CDC42BPB: variants seen among roughly 807,000 people sequenced by gnomAD.
CDC42BPB encodes the protein serine/threonine-protein kinase MRCK beta.
CDC42BPB carries 37 observed loss-of-function variants against 214.9 expected under a neutral mutation model. The ratio of observed to expected loss-of-function variants is 0.17; its 90% confidence interval spans 0.13 to 0.23. The LOEUF (loss-of-function observed/expected upper bound fraction) is 0.23, where lower values mean the gene tolerates loss of function less well. Among genes scored for constraint, CDC42BPB ranks in the 10% least tolerant of loss-of-function variants. The probability of loss-of-function intolerance (pLI) is 1.00; values close to 1 mark genes in which losing one functional copy is unlikely to be tolerated. For missense variants in CDC42BPB, 1,694 were observed against 2,227.0 expected (o/e 0.76, Z 4.82); for synonymous variants, 931 against 884.0 (o/e 1.05, Z -0.94).
chr14:102,999,840 C>G, intron 4 of CDC42BPB, 127 bp from the exon 5 acceptor site: 2 of 1,486,018 alleles, frequency 1.3e-6, no homozygotes, highest in Non-Finnish European at 1.8e-6. Context: ...CTCAGCTGCT[C>G]TTCTGTCACC....
intron 1 of CDC42BPB, among the ~76,000 whole-genome samples, chr14:103,033,729 T>C (rs1477696037): frequency 6.6e-6 from 1 of 152,228 alleles, no homozygotes; most frequent in African/African-American, 2.4e-5. Context: ...AAATAGAGGA[T>C]GGCTGAGTGA....
chr14:102,939,939 G>C lies in CDC42BPB; in HGVS notation c.4600C>G (p.Leu1534Val). The C allele has an allele frequency of 6.2e-7, 1 of 1,613,928 alleles. No homozygotes were observed. Among genetic ancestry groups the C allele is most frequent in the East Asian group, 2.2e-5 (1 of 44,884 alleles). The change falls in exon 33 of 37, where the codon CTC becomes GTC. Residue 1534 changes from leucine to valine, a missense_variant. Around this residue, in one of 7 missense-constraint regions of CDC42BPB, gnomAD observed 567 missense variants for 790.3 expected, o/e 0.72. Transcript: ENST00000361246. Reference sequence around the variant, plus strand: ...TTGTCGGAGGTGTCCGGCACGTTGAGAACCGCTCCTGCAGAAGCAGAGCGC... The same window carrying C: ...TTGTCGGAGGTGTCCGGCACGTTGACAACCGCTCCTGCAGAAGCAGAGCGC... ...YFKSKFSGAV[L>V]NVPDTSDNSK...
Position 102,980,893 on chromosome 14 carries a change from C to A in CDC42BPB, c.1020G>T (p.Ala340=). 1.2e-6 allele frequency: 2 copies of A among 1,614,172 alleles called. No homozygotes were observed. Among genetic ancestry groups the A allele is most frequent in the South Asian group, 1.1e-5 (1 of 91,082 alleles). The change falls in exon 8 of 37, where the codon GCG becomes GCT. Residue 340 remains alanine, a synonymous_variant. Coordinates refer to ENST00000361246, the MANE Select transcript of CDC42BPB (RefSeq NM_006035.4). ...TTTCCCAATTTAGACCTTCAAAAAA[C>A]GCATGCTTTTTGAAATCCTCTATTC... The part of the protein sequence containing the change: ...QNGIEDFKKH[A]FFEGLNWENI...
chr14:102,997,573 G>T (rs1320514583), intron 5 of CDC42BPB, among the ~76,000 whole-genome samples: 1 of 152,188 alleles, frequency 6.6e-6, no homozygotes, highest in Non-Finnish European at 1.5e-5. Context: ...GGGAACGATG[G>T]AAGGGACAGC....
chr14:102,990,535 T>A (rs1242650111), intron 5 of CDC42BPB, among the ~76,000 whole-genome samples: 1 of 152,148 alleles, frequency 6.6e-6, no homozygotes, highest in Non-Finnish European at 1.5e-5. Context: ...AACTCATGAT[T>A]CCTGAGTATG....
At chr14:102,968,751 C>T (rs369188923) in intron 14 of CDC42BPB, 35 bp from the exon 15 acceptor site, 22 of 1,609,106 alleles carry the variant, frequency 1.4e-5, no homozygotes, top group Non-Finnish European at 1.5e-5. Context: ...TGACAAACCT[C>T]TGTGTCCTCA....
chr14:102,936,630 G>A (rs2139334993), intron 36 of CDC42BPB, among the ~76,000 whole-genome samples: 1 of 152,334 alleles, frequency 6.6e-6, no homozygotes, highest in South Asian at 2.1e-4. Context: ...TTAAAGGGCA[G>A]GGGGTTTATT....
intron 18 of CDC42BPB, among the ~76,000 whole-genome samples, chr14:102,965,568 T>G (rs1368254937): frequency 6.6e-6 from 1 of 152,188 alleles, no homozygotes; most frequent in Non-Finnish European, 1.5e-5. Context: ...GATGCCATCT[T>G]GCTGTTTTTT....
chr14:102,985,200 G>A (rs1431134618), intron 6 of CDC42BPB, among the ~76,000 whole-genome samples: 7 of 150,772 alleles, frequency 4.6e-5, no homozygotes, highest in Admixed American at 4.6e-4. Context: ...TGGTGTGGAG[G>A]TGTGGAGGGT....
rs761918058 is a variant in CDC42BPB, at chr14:102,954,687, G to C, written c.2903C>G (p.Thr968Ser). Residue 968 changes from threonine (T) to serine (S), a missense_variant and splice_region_variant, in exon 22 of 37, where the codon ACC becomes AGC. This residue lies in a region of CDC42BPB where 156 missense variants were observed against 154.5 expected (regional missense o/e 1.01). Transcript: ENST00000361246. ...APLAHDLTFR[T>S]SSASEQETQA... ...TGTTTCTTGCTCACTAGCTGAGCTG[G>C]TCTGTGAGAACCAAGAAAGAAAGAG... is the stretch of plus-strand genomic sequence containing the variant. The C allele has an allele frequency of 3.1e-6, 5 of 1,613,066 alleles. No homozygotes were observed. In the Admixed American group the frequency reaches 8.3e-5, roughly 27 times the overall value.
intron 4 of CDC42BPB, among the ~76,000 whole-genome samples, chr14:103,003,189 T>A (rs1895069378): frequency 6.6e-6 from 1 of 152,128 alleles, no homozygotes; most frequent in South Asian, 2.1e-4. Flanking sequence ...TCTGCCCGCG[T>A]CACGTCCACC....
intron 27 of CDC42BPB, among the ~76,000 whole-genome samples, chr14:102,947,028 C>T (rs1461256463): frequency 2.0e-5 from 3 of 152,214 alleles, no homozygotes; most frequent in African/African-American, 7.2e-5. Context: ...AAGCAGATCT[C>T]AAAAACACTG....
chr14:103,034,602 T>A (rs1467286738), intron 1 of CDC42BPB, among the ~76,000 whole-genome samples: 1 of 152,102 alleles, frequency 6.6e-6, no homozygotes, highest in Non-Finnish European at 1.5e-5. Context: ...TCACATCACC[T>A]GAGGTTGGGA....
At position 103,023,253 on chromosome 14, in the gene CDC42BPB, T is replaced by C. The variant is rs901905032; in HGVS notation, c.176-11065A>G. ...CGCGATCTCGGCTCACTGCAACCTCTGCCTCTCGGGTTCAAGCATTTCTCC... is the reference window on the plus strand; with the variant it reads ...CGCGATCTCGGCTCACTGCAACCTCCGCCTCTCGGGTTCAAGCATTTCTCC... On this transcript the variant is annotated intron_variant, in intron 1 of 36. Transcript: ENST00000361246. 3.3e-5 allele frequency among the ~76,000 whole-genome samples: 5 copies of C among 151,244 alleles called. No individual in the cohort carries two copies. The South Asian group carries it at 6.3e-4, about 19-fold the overall frequency.
chr14:102,960,284 A>G (rs1444358321), intron 20 of CDC42BPB, among the ~76,000 whole-genome samples: 2 of 152,112 alleles, frequency 1.3e-5, no homozygotes, highest in African/African-American at 4.8e-5. Context: ...GGAGGAGCAG[A>G]TCTACCAGAT....
rs753163105 is a variant in CDC42BPB at position 102,944,243 on chromosome 14, G to C, written c.4056C>G (p.Ile1352Met). ...TCGTTCTCTGGATCTCATAGCAAAG[G>C]ATCAGCCGTTTCACGGCCACAAACA... is the stretch of plus-strand genomic sequence containing the variant. ...TCLFVAVKRL[I>M]LCYEIQRTKP... The change falls in exon 30 of 37, where the codon ATC becomes ATG. Residue 1352 changes from isoleucine to methionine, a missense_variant. Physicochemically the swap from Ile to Met is conservative, Grantham distance 10. Coordinates refer to ENST00000361246, the MANE Select transcript of CDC42BPB (RefSeq NM_006035.4). The surrounding 1 kb of genome is among the most constrained non-coding windows in gnomAD (Gnocchi z 6.6). 6.2e-7 allele frequency: 1 copy of C among 1,613,262 alleles called. No individual in the cohort carries two copies. Among genetic ancestry groups the C allele is most frequent in the Non-Finnish European group, 8.5e-7 (1 of 1,180,042 alleles).
chr14:103,019,495 G>C (rs1383099034), intron 1 of CDC42BPB, among the ~76,000 whole-genome samples: 2 of 152,186 alleles, frequency 1.3e-5, no homozygotes, highest in African/African-American at 4.8e-5. Context: ...CAGGCTCTAA[G>C]GCAGGGTTGA....
At chr14:103,040,857 G>C (rs1308632957) in intron 1 of CDC42BPB, among the ~76,000 whole-genome samples, 1 of 152,134 alleles carries the variant, frequency 6.6e-6, no homozygotes, top group Non-Finnish European at 1.5e-5. Flanking sequence ...TCCCCAAATT[G>C]ACCTACAGAT....
chr14:102,963,634 T>C (rs1435651334), intron 19 of CDC42BPB, among the ~76,000 whole-genome samples: 1 of 152,184 alleles, frequency 6.6e-6, no homozygotes, highest in East Asian at 1.9e-4. Context: ...CCGGGAGGGA[T>C]GCAGTTTGTG....
Sources: allele counts gnomAD v4.1 joint callset (sites outside exome capture counted in the v4.1 genomes callset), GRCh38; gene constraint gnomAD v4.1.1; regional missense constraint gnomAD v4.1.1; non-coding constraint Gnocchi (gnomAD v3.1); transcripts MANE v1.5; gene names NCBI Gene and HGNC (gene_info 2026-07-23, HGNC 2026-07-21).